DNAH11: variants seen among roughly 807,000 people sequenced by gnomAD.
DNAH11 encodes the protein dynein axonemal heavy chain 11.
Under a neutral mutation model 526.0 loss-of-function variants are expected in DNAH11, and 442 were observed. That is an observed-to-expected ratio of 0.84 (90% CI 0.78 to 0.91). DNAH11 has a LOEUF of 0.91. DNAH11 is among the 40% of genes least tolerant of loss of function. The probability of loss-of-function intolerance (pLI) is 0.00; values close to 1 mark genes in which losing one functional copy is unlikely to be tolerated. For synonymous variants in DNAH11, 2,461 were observed against 1,935.9 expected (o/e 1.27, Z -7.12); for missense variants, 6,989 against 5,448.7 (o/e 1.28, Z -8.90).
intron 2 of DNAH11, among the ~76,000 whole-genome samples, chr7:21,555,573 G>A (rs1005313936): frequency 2.0e-5 from 3 of 152,168 alleles, no homozygotes; most frequent in African/African-American, 4.8e-5. Context: ...TTCGAACTCC[G>A]CACTTGCTTC....
Position 21,742,054 on chromosome 7 carries a change from C to T in DNAH11, c.8042C>T (p.Thr2681Ile). 1 of 1,613,986 alleles carries T rather than the reference C, an allele frequency of 6.2e-7. No individual in the cohort carries two copies. The highest frequency in any genetic ancestry group is 8.5e-7 in the Non-Finnish European group (1 of 1,179,872). Residue 2681 changes from threonine to isoleucine, a missense_variant, in exon 49 of 82, where the codon ACT becomes ATT. Thr to Ile is a moderately conservative substitution (Grantham distance 89). Transcript: ENST00000409508. ...CCATCAATTCTCAGGAGTGGCCCCA[C>T]TTTGATCCAGGCAACAATAGCATTC... ...FAPSILRSGP[T>I]LIQATIAFHQ...
At chr7:21,879,104 C>T (rs993779602) in intron 74 of DNAH11, among the ~76,000 whole-genome samples, 2 of 152,050 alleles carry the variant, frequency 1.3e-5, no homozygotes, top group Non-Finnish European at 2.9e-5. Context: ...GGGCCATAAC[C>T]GTATCCATGT....
At chr7:21,656,017 A>G in intron 29 of DNAH11, 36 bp downstream of exon 29, 1 of 1,536,806 alleles carries the variant, frequency 6.5e-7, no homozygotes, top group Non-Finnish European at 8.8e-7. Context: ...ATGCTAGGGG[A>G]GTATTTTCAG....
intron 75 of DNAH11, among the ~76,000 whole-genome samples, chr7:21,883,085 C>T (rs1185762482): frequency 6.6e-6 from 1 of 152,182 alleles, no homozygotes; most frequent in Non-Finnish European, 1.5e-5. Context: ...TTTTCATTCA[C>T]CTCAACCCAG....
intron 45 of DNAH11, among the ~76,000 whole-genome samples, chr7:21,734,144 A>T (rs1014038677): frequency 1.3e-5 from 2 of 152,212 alleles, no homozygotes; most frequent in African/African-American, 4.8e-5. Flanking sequence ...GAATCGAAGT[A>T]CTGCCACTTA....
At position 21,748,565 on chromosome 7, in the gene DNAH11, G is replaced by T. The variant is rs111471486; in HGVS notation, c.8511-15G>T. On this transcript the variant is annotated splice_polypyrimidine_tract_variant and intron_variant, in intron 51 of 81. Coordinates refer to ENST00000409508, the MANE Select transcript of DNAH11 (RefSeq NM_001277115.2). The stretch of plus-strand genomic sequence containing the variant: ...TTTTCGATTTTGTGCCATAATGGGC[G>T]CTTCCTTTCCTCAGGTGTCGCATCA... The T allele has an allele frequency of 2.2e-5, 32 of 1,483,166 alleles. No homozygotes were observed. In the African/African-American group the frequency reaches 3.0e-4, roughly 14 times the overall value. 91.9% of individuals were successfully genotyped at this position (1,483,166 alleles called of 1,614,324 possible).
rs752792422 is a variant in DNAH11, at chr7:21,816,674, C to T, written c.10540C>T (p.Leu3514=). ...GATCAAGAATAAGTATGGAATGGAC[C>T]TGAAAGTCACACATTTGGGCCAGAA... ...KWIKNKYGMD[L]KVTHLGQKGF... Residue 3514 remains leucine (L), a synonymous_variant, in exon 64 of 82, where the codon CTG becomes TTG. Transcript: ENST00000409508. The T allele has an allele frequency of 7.4e-6, 12 of 1,613,538 alleles. No individual in the cohort carries two copies. Among genetic ancestry groups the T allele is most frequent in the Non-Finnish European group, 1.0e-5 (12 of 1,179,700 alleles).
At chr7:21,573,661 T>C (rs906390987) in intron 8 of DNAH11, among the ~76,000 whole-genome samples, 1 of 152,170 alleles carries the variant, frequency 6.6e-6, no homozygotes, top group Non-Finnish European at 1.5e-5. Context: ...TTTGAGACAT[T>C]ATTTTAACAA....
chr7:21,710,742 C>T (rs1382055435), intron 41 of DNAH11, 39 bp downstream of exon 41: 3 of 1,575,720 alleles, frequency 1.9e-6, no homozygotes, highest in Non-Finnish European at 2.6e-6. Context: ...AATATAACAT[C>T]CTGAGTGTAT....
At chr7:21,651,135 C>T (rs116597254) in intron 28 of DNAH11, among the ~76,000 whole-genome samples, 3 of 151,892 alleles carry the variant, frequency 2.0e-5, no homozygotes, top group Non-Finnish European at 2.9e-5. Flanking sequence ...TGAATATTGT[C>T]ATTATGAATA....
At chr7:21,865,867 A>G (rs538609200) in intron 70 of DNAH11, among the ~76,000 whole-genome samples, 119 of 152,216 alleles carry the variant, frequency 7.8e-4, no homozygotes, top group African/African-American at 2.7e-3. Context: ...GGGGTGGATT[A>G]TTCATATCTC....
rs746755614 is a variant in DNAH11, at chr7:21,599,851, T to C, written c.2732T>C (p.Ile911Thr). 6.2e-7 allele frequency: 1 copy of C among 1,604,590 alleles called. No individual in the cohort carries two copies. The highest frequency in any genetic ancestry group is 1.3e-5 in the African/African-American group (1 of 74,830). ...ACCTGGAAAATTTATGTAGAATTCA[T>C]TGACGACATTGTGGTGGAAGGCTTT... ...LDTWKIYVEF[I>T]DDIVVEGFFQ... Residue 911 changes from isoleucine (I) to threonine (T), a missense_variant, in exon 15 of 82, where the codon ATT becomes ACT. Physicochemically the swap from Ile to Thr is moderately conservative, Grantham distance 89. Transcript: ENST00000409508.
chr7:21,640,778 C>T (rs1340902372), intron 28 of DNAH11, among the ~76,000 whole-genome samples: 1 of 152,052 alleles, frequency 6.6e-6, no homozygotes, highest in African/African-American at 2.4e-5. Flanking sequence ...TGGAAATTTC[C>T]ATCTCATCTC....
intron 25 of DNAH11, among the ~76,000 whole-genome samples, chr7:21,630,674 T>G (rs1052240674): frequency 6.6e-6 from 1 of 152,188 alleles, no homozygotes; most frequent in Non-Finnish European, 1.5e-5. Flanking sequence ...CTGTATTCTT[T>G]CTGTTGAGAT....
intron 65 of DNAH11, among the ~76,000 whole-genome samples, chr7:21,821,909 C>T (rs912284779): frequency 2.6e-5 from 4 of 152,002 alleles, no homozygotes; most frequent in African/African-American, 9.7e-5. Flanking sequence ...TCCTCTTTGC[C>T]TCCATGAGAC....
At chr7:21,748,469 A>AGC (rs1786254095) in intron 51 of DNAH11, 111 bp from the exon 52 acceptor site, 3 of 1,210,176 alleles carry the variant, frequency 2.5e-6, no homozygotes, top group Non-Finnish European at 3.2e-6. Flanking sequence ...GGCCTGGGCA[A>AGC]CAGAGCAAGT....
Position 21,567,842 on chromosome 7 carries a change from G to T in DNAH11, c.1195-2227G>T, listed in dbSNP as rs574747107. ...ATAAAAGGCATCACCTGTTCACCTT[G>T]CGTGCTAGCACAGGCTTTGGTAGTG... On this transcript the variant is annotated intron_variant, in intron 6 of 81. Transcript: ENST00000409508. Among the ~76,000 whole-genome samples, 10 of 152,332 alleles carry T rather than the reference G, an allele frequency of 6.6e-5. No homozygotes were observed. In the East Asian group the frequency reaches 1.3e-3, roughly 21 times the overall value.
intron 37 of DNAH11, chr7:21,703,890 C>T (rs1784156368): frequency 6.6e-6 from 1 of 152,064 alleles, no homozygotes; most frequent in South Asian, 2.1e-4. Context: ...AGTACTAGGT[C>T]AAGATTTTCT....
intron 54 of DNAH11, among the ~76,000 whole-genome samples, chr7:21,758,129 A>G (rs1380615696): frequency 6.6e-6 from 1 of 152,220 alleles, no homozygotes; most frequent in Non-Finnish European, 1.5e-5. Flanking sequence ...CTTGCCCAGC[A>G]CTGGTTCCAG....
Sources: allele counts gnomAD v4.1 joint callset (sites outside exome capture counted in the v4.1 genomes callset), GRCh38; gene constraint gnomAD v4.1.1; transcripts MANE v1.5; gene names NCBI Gene and HGNC (gene_info 2026-07-23, HGNC 2026-07-21).